UBE2V1: variants seen among roughly 807,000 people sequenced by gnomAD.
UBE2V1 encodes the protein ubiquitin-conjugating enzyme E2 variant 1.
In UBE2V1, 15 loss-of-function variants were observed where a neutral mutation model predicts 19.6. The ratio of observed to expected loss-of-function variants is 0.77; its 90% CI spans 0.51 to 1.18. The LOEUF is 1.18. Ranked by LOEUF, UBE2V1 falls within the 50% of genes most tolerant of loss-of-function variation. The pLI is 0.00. For missense variants in UBE2V1, 125 were observed against 184.8 expected (o/e 0.68, Z 1.88); for synonymous variants, 60 against 60.7 (o/e 0.99, Z 0.05).
chr20:50,115,879 C>T (rs1213223042), upstream of UBE2V1: 3 of 260,748 alleles, frequency 1.2e-5, no homozygotes, highest in African/African-American at 2.2e-5. Flanking sequence ...TTCCTTGGCT[C>T]TTGTAGGAAA....
intron 2 of UBE2V1, 65 bp downstream of exon 2, chr20:50,096,607 A>G (rs1489543995): frequency 1.9e-6 from 3 of 1,607,804 alleles, no homozygotes; most frequent in South Asian, 2.2e-5. Flanking sequence ...TAAGGCTAAT[A>G]TTTTTTAAAA....
rs555448332 is a variant in UBE2V1 at position 50,103,702 on chromosome 20, G to A, written c.23-6882C>T. Among the ~76,000 whole-genome samples, 9 of 151,750 alleles carry A rather than the reference G, an allele frequency of 5.9e-5. No individual in the cohort carries two copies. In the South Asian group the frequency reaches 1.0e-3, roughly 17 times the overall value. ...ATTACAGGCATCAGCCATTGCACCCGGCCTGACTATAATAATTTTAAAAGC... is the reference window on the plus strand; with the variant it reads ...ATTACAGGCATCAGCCATTGCACCCAGCCTGACTATAATAATTTTAAAAGC... On this transcript the variant is annotated intron_variant, in intron 1 of 3. Coordinates refer to ENST00000371674, the MANE Select transcript of UBE2V1 (RefSeq NM_001032288.3).
upstream of UBE2V1, chr20:50,115,361 CTT>C: frequency 7.3e-7 from 1 of 1,368,630 alleles, no homozygotes; most frequent in Non-Finnish European, 9.6e-7. Flanking sequence ...AGCAACTTGA[CTT>C]TTCGTGTATC....
intron 2 of UBE2V1, among the ~76,000 whole-genome samples, chr20:50,092,498 C>A (rs772553635): frequency 6.6e-6 from 1 of 152,010 alleles, no homozygotes; most frequent in Non-Finnish European, 1.5e-5. Context: ...GAGTAGAGGC[C>A]AGGGATGCTG....
intron 1 of UBE2V1, among the ~76,000 whole-genome samples, chr20:50,109,994 A>G (rs1166493191): frequency 6.6e-6 from 1 of 152,140 alleles, no homozygotes; most frequent in East Asian, 1.9e-4. Flanking sequence ...TCTGGGGAAG[A>G]CTCTTGAATG....
chr20:50,110,246 C>A (rs114175498), intron 1 of UBE2V1, among the ~76,000 whole-genome samples: 117 of 152,300 alleles, frequency 7.7e-4, no homozygotes, highest in African/African-American at 2.8e-3. Flanking sequence ...GGAAGTCACC[C>A]GTCATAACAT....
intron 1 of UBE2V1, among the ~76,000 whole-genome samples, chr20:50,112,088 G>T (rs550538363): frequency 5.3e-5 from 8 of 152,192 alleles, no homozygotes; most frequent in Admixed American, 5.2e-4. Flanking sequence ...ATTATTAAAG[G>T]AGTCGATGAG....
intron 1 of UBE2V1, among the ~76,000 whole-genome samples, chr20:50,104,655 C>CAAAAAAAAAAAAAAAAA (rs113771532): frequency 1.4e-5 from 1 of 71,618 alleles, no homozygotes; most frequent in African/African-American, 5.1e-5. Flanking sequence ...GACTCTGGCA[C>CAAAAAAAAAAAAAAAAA]AAAAAAAAAA....
rs1265031207 is a variant in UBE2V1 at position 50,111,828 on chromosome 20, T to A, written c.22+1279A>T. ...ACACTGCCGCTGCTGTGGCCTTAAA[T>A]ATGCCAATGATTGCTGTACTCAGGC... On this transcript the variant is annotated intron_variant, in intron 1 of 3. Transcript: ENST00000371674. 2.0e-5 allele frequency among the ~76,000 whole-genome samples: 3 copies of A among 152,328 alleles called. No individual in the cohort carries two copies. In the East Asian group the frequency reaches 5.8e-4, roughly 29 times the overall value.
At chr20:50,112,341 C>T (rs924614315) in intron 1 of UBE2V1, among the ~76,000 whole-genome samples, 1 of 152,160 alleles carries the variant, frequency 6.6e-6, no homozygotes, top group African/African-American at 2.4e-5. Flanking sequence ...CGGACCTTGT[C>T]CCCTGAAACC....
At chr20:50,087,863 A>G (rs1227704358) in intron 2 of UBE2V1, among the ~76,000 whole-genome samples, 2 of 152,014 alleles carry the variant, frequency 1.3e-5, no homozygotes, top group Non-Finnish European at 2.9e-5. Flanking sequence ...GCCGAGGGAC[A>G]CTCCTTGGGC....
chr20:50,106,248 C>T (rs939182265), intron 1 of UBE2V1, among the ~76,000 whole-genome samples: 1 of 152,090 alleles, frequency 6.6e-6, no homozygotes, highest in African/African-American at 2.4e-5. Flanking sequence ...AAAAGTCAGC[C>T]GGTTATTCTC....
intron 2 of UBE2V1, among the ~76,000 whole-genome samples, chr20:50,086,057 T>TAA (rs971881751): frequency 4.6e-5 from 7 of 152,316 alleles, no homozygotes; most frequent in Non-Finnish European, 7.4e-5. Context: ...ACCAACGTCT[T>TAA]AAAAACAGGA....
intron 1 of UBE2V1, among the ~76,000 whole-genome samples, chr20:50,110,729 T>C (rs954033406): frequency 6.6e-6 from 1 of 152,194 alleles, no homozygotes; most frequent in African/African-American, 2.4e-5. Flanking sequence ...GTTTGATGGC[T>C]TCCCCTCATA....
chr20:50,093,006 A>G (rs1361301727), intron 2 of UBE2V1, among the ~76,000 whole-genome samples: 1 of 152,260 alleles, frequency 6.6e-6, no homozygotes, highest in African/African-American at 2.4e-5. Flanking sequence ...TCCAACTGGC[A>G]GCATACTCTG....
intron 2 of UBE2V1, among the ~76,000 whole-genome samples, chr20:50,088,998 C>T (rs1349430467): frequency 6.6e-6 from 1 of 152,024 alleles, no homozygotes; most frequent in Non-Finnish European, 1.5e-5. Flanking sequence ...ATCACAGTAA[C>T]TGTTGGGGAG....
chr20:50,098,967 G>A (rs1418491300), intron 1 of UBE2V1: 2 of 985,272 alleles, frequency 2.0e-6, no homozygotes, highest in Admixed American at 6.1e-5. Context: ...TAAGTCTCCT[G>A]TAGCAAACAT....
intron 3 of UBE2V1, 171 bp downstream of exon 3, chr20:50,083,958 A>C: frequency 9.8e-7 from 1 of 1,022,822 alleles, no homozygotes; most frequent in Non-Finnish European, 1.4e-6. Context: ...ATCGCCAGAT[A>C]TAATTGGGAA....
chr20:50,105,427 A>G (rs552342171), intron 1 of UBE2V1, among the ~76,000 whole-genome samples: 13 of 152,382 alleles, frequency 8.5e-5, no homozygotes, highest in African/African-American at 2.6e-4. Context: ...TACATTAAAC[A>G]AAACATTTTA....
Sources: allele counts gnomAD v4.1 joint callset (sites outside exome capture counted in the v4.1 genomes callset), GRCh38; gene constraint gnomAD v4.1.1; transcripts MANE v1.5; gene names NCBI Gene and HGNC (gene_info 2026-07-23, HGNC 2026-07-21).